The following ASIP variants were observed in gnomAD, a reference collection of about 807,000 sequenced individuals.
ASIP encodes agouti signaling protein.
In ASIP, 11 loss-of-function variants were observed where a neutral mutation model predicts 10.3. The ratio of observed to expected loss-of-function variants is 1.07; its 90% confidence interval spans 0.68 to 1.78. The LOEUF is 1.78. ASIP is among the 40% of genes most tolerant of loss of function. ASIP has a pLI of 0.00. For missense variants in ASIP, 180 were observed against 169.2 expected (o/e 1.06, Z -0.35); for synonymous variants, 70 against 70.8 (o/e 0.99, Z 0.06).
chr20:34,236,122 TGGAAAGGAAAGGAGA>T lies in ASIP; in HGVS notation c.-10-24234_-10-24220del, dbSNP rs1410075734. The stretch of plus-strand genomic sequence containing the variant: ...GGAGAAAGAAAGGAAAGGAAAGGAG[TGGAAAGGAAAGGAGA>T]GGAAAGGAGAAAGGAGGGAGGGAGG... On this transcript the variant is annotated intron_variant, in intron 1 of 3. Coordinates refer to the ASIP transcript ENST00000568305. Among the ~76,000 whole-genome samples the T allele has an allele frequency of 3.6e-5, 3 of 83,466 alleles. No homozygotes were observed. The South Asian group carries it at 1.1e-3, about 29-fold the overall frequency. The allele number at this position is 83,466 out of a possible 152,430, so 54.8% of individuals were successfully genotyped here. A position where few individuals can be genotyped will look rare whatever the true frequency, so the allele number is the denominator to read the frequency against.
chr20:34,203,429 ACT>A (rs146180131), intron 1 of ASIP, among the ~76,000 whole-genome samples: 16,239 of 151,714 alleles, frequency 0.11, 921 homozygotes, highest in South Asian at 0.18. Context: ...ACACGGTTTC[ACT>A]CTGTCACTCA....
At chr20:34,222,151 G>C (rs958226778) in intron 1 of ASIP, among the ~76,000 whole-genome samples, 2 of 151,946 alleles carry the variant, frequency 1.3e-5, no homozygotes, top group Non-Finnish European at 2.9e-5. Flanking sequence ...AGATTGACCA[G>C]GCATGTGGAT....
intron 1 of ASIP, among the ~76,000 whole-genome samples, chr20:34,220,953 CTTTTTTTTTTTTTT>C (rs10661983): frequency 2.7e-5 from 3 of 109,764 alleles, no homozygotes; most frequent in East Asian, 4.8e-4. Context: ...TTCTTTCCTT[CTTTTTTTTTTTTTT>C]TTTTTTTTTC....
chr20:34,263,661 CT>C lies in ASIP; in HGVS notation c.222+781del, dbSNP rs200772515. On this transcript the variant is annotated intron_variant, in intron 3 of 3. Transcript: ENST00000374954. Reference sequence around the variant, plus strand: ...CACTTATACATTGGTTATTTTATGTCTTTTTTTTTTTTTCTTTTTTTTTGAG... The same window carrying C: ...CACTTATACATTGGTTATTTTATGTCTTTTTTTTTTTTCTTTTTTTTTGAG... Among the ~76,000 whole-genome samples the C allele has an allele frequency of 1.2e-3, 164 of 134,286 alleles. 1 individual carries two copies. The highest frequency in any genetic ancestry group is 2.0e-3 in the East Asian group (10 of 5,040). The allele number at this position is 134,286 out of a possible 152,430, so 88.1% of individuals were successfully genotyped here.
At chr20:34,217,768 T>A (rs879768055) in intron 1 of ASIP, among the ~76,000 whole-genome samples, 6 of 152,170 alleles carry the variant, frequency 3.9e-5, no homozygotes, top group Non-Finnish European at 5.9e-5. Flanking sequence ...TTCACCGTGT[T>A]AGCCAGGATG....
At chr20:34,257,076 TTTTTTTGTTTTTTG>T (rs547414410) in intron 1 of ASIP, among the ~76,000 whole-genome samples, 6 of 151,108 alleles carry the variant, frequency 4.0e-5, no homozygotes, top group Non-Finnish European at 8.8e-5. Flanking sequence ...TTCTCTTTTT[TTTTTTTGTTTTTTG>T]TTTTTTGTTT....
At chr20:34,261,938 C>T (rs895997650) in intron 2 of ASIP, among the ~76,000 whole-genome samples, 1 of 151,966 alleles carries the variant, frequency 6.6e-6, no homozygotes. Flanking sequence ...CATGGCAAAA[C>T]CCCATCTCTA....
intron 1 of ASIP, among the ~76,000 whole-genome samples, chr20:34,234,130 AAG>A (rs1460990589): frequency 6.6e-6 from 1 of 152,222 alleles, no homozygotes; most frequent in East Asian, 1.9e-4. Context: ...TGAGTGGCAC[AAG>A]CTTGATCAAA....
At chr20:34,226,673 A>G (rs1403529808) in intron 1 of ASIP, among the ~76,000 whole-genome samples, 2 of 152,082 alleles carry the variant, frequency 1.3e-5, no homozygotes, top group Non-Finnish European at 2.9e-5. Flanking sequence ...AAAAAGTCTT[A>G]ACAAACTAAT....
At chr20:34,214,583 T>G in intron 1 of ASIP, 1 of 1,396,622 alleles carries the variant, frequency 7.2e-7, no homozygotes. Context: ...CTAAAAACTC[T>G]GCGAACAGAG....
chr20:34,218,376 C>T (rs2035023395), intron 1 of ASIP, among the ~76,000 whole-genome samples: 1 of 152,144 alleles, frequency 6.6e-6, no homozygotes. Context: ...GTACACCTAC[C>T]ACTTCTTCAC....
chr20:34,214,043 A>G (rs2034991574), intron 1 of ASIP: 3 of 1,358,082 alleles, frequency 2.2e-6, no homozygotes, highest in East Asian at 4.6e-5. Context: ...TCTGCCGGGT[A>G]TTCATTATTA....
intron 1 of ASIP, among the ~76,000 whole-genome samples, chr20:34,245,333 CAAAAAAAA>C (rs1257990215): frequency 6.3e-5 from 4 of 63,612 alleles, no homozygotes; most frequent in Admixed American, 1.8e-4. Flanking sequence ...GACTCTGTCT[CAAAAAAAA>C]AAAAAAAAAG....
intron 1 of ASIP, among the ~76,000 whole-genome samples, chr20:34,230,805 T>G (rs1446734099): frequency 2.6e-5 from 1 of 37,984 alleles, no homozygotes; most frequent in Non-Finnish European, 4.4e-5. Flanking sequence ...ACGGGGTGGC[T>G]GCCGGGCGGA....
intron 3 of ASIP, among the ~76,000 whole-genome samples, 154 bp from the exon 4 acceptor site, chr20:34,268,837 G>A (rs944058031): frequency 4.6e-5 from 7 of 152,044 alleles, no homozygotes; most frequent in Admixed American, 2.0e-4. Context: ...GGAGGTGAGG[G>A]AATCTGACTG....
chr20:34,206,399 A>C (rs753938899), intron 1 of ASIP, among the ~76,000 whole-genome samples: 6 of 151,920 alleles, frequency 3.9e-5, no homozygotes, highest in African/African-American at 7.3e-5. Flanking sequence ...TACCTTTCTG[A>C]TATCGATTTT....
chr20:34,213,393 A>G (rs2122551421), intron 1 of ASIP: 2 of 641,808 alleles, frequency 3.1e-6, no homozygotes, highest in East Asian at 5.2e-5. Flanking sequence ...CAGAGAGTGG[A>G]GTGTTGCTAT....
intron 1 of ASIP, among the ~76,000 whole-genome samples, chr20:34,210,889 T>G (rs1311123778): frequency 1.3e-5 from 2 of 152,260 alleles, no homozygotes; most frequent in Non-Finnish European, 2.9e-5. Flanking sequence ...CTTGTATTCC[T>G]GGAATAAACC....
chr20:34,190,502 T>C (rs2034818234), upstream of ASIP, among the ~76,000 whole-genome samples: 1 of 152,184 alleles, frequency 6.6e-6, no homozygotes, highest in Non-Finnish European at 1.5e-5. Context: ...ATAATAACAC[T>C]CCTATCTGCA....
Sources: gnomAD v4.1 joint callset for allele counts (sites outside exome capture counted in the v4.1 genomes callset) on GRCh38, gnomAD v4.1.1 for gene constraint, MANE v1.5 for transcripts, NCBI Gene and HGNC (gene_info 2026-07-23, HGNC 2026-07-21) for gene names.